DNAH8: variants seen among roughly 807,000 people sequenced by gnomAD.
The protein encoded by DNAH8 is axonemal beta dynein heavy chain 8.
A neutral mutation model predicts 562.1 loss-of-function variants in DNAH8; 382 were observed. That is an observed-to-expected ratio of 0.68 (90% CI 0.63 to 0.74). The LOEUF (loss-of-function observed/expected upper bound fraction) is 0.74. DNAH8 is among the 30% of genes least tolerant of loss of function. The probability of loss-of-function intolerance (pLI) is 0.00; values close to 1 mark genes in which losing one functional copy is unlikely to be tolerated. For synonymous variants in DNAH8, 1,881 were observed against 1,919.4 expected (o/e 0.98, Z 0.52); for missense variants, 5,203 against 5,620.4 (o/e 0.93, Z 2.37).
chr6:38,765,939 A>G (rs1766941954), intron 11 of DNAH8, among the ~76,000 whole-genome samples: 2 of 152,194 alleles, frequency 1.3e-5, no homozygotes, highest in African/African-American at 4.8e-5. Flanking sequence ...GAACTACCAT[A>G]TGATCCAGCA....
At chr6:38,722,724 G>T in intron 1 of DNAH8, 52 bp from the exon 2 acceptor site, 4 of 1,403,460 alleles carry the variant, frequency 2.9e-6, no homozygotes, top group Non-Finnish European at 3.8e-6. Context: ...TAATAAAAAC[G>T]TACAACACTC....
intron 33 of DNAH8, among the ~76,000 whole-genome samples, chr6:38,839,180 C>T (rs1236447511): frequency 1.3e-5 from 2 of 152,184 alleles, no homozygotes; most frequent in African/African-American, 4.8e-5. Context: ...ATTTTACACA[C>T]TCTCCAGGTG....
chr6:38,856,188 T>A (rs1280951243), intron 41 of DNAH8, among the ~76,000 whole-genome samples: 1 of 152,222 alleles, frequency 6.6e-6, no homozygotes, highest in Non-Finnish European at 1.5e-5. Context: ...TTAGTTTCCA[T>A]GTATGTGTGA....
At position 38,739,831 on chromosome 6, in the gene DNAH8, T is replaced by C. The variant is rs536525123; in HGVS notation, c.1116+1859T>C. On this transcript the variant is annotated intron_variant, in intron 7 of 92. Coordinates refer to ENST00000327475, the MANE Select transcript of DNAH8 (RefSeq NM_001206927.2). Reference sequence around the variant, plus strand: ...TGTCTCCTACATTTTCTTTTAGAAATGTTACCATTTTATTTTTAACATTTA... The same window carrying C: ...TGTCTCCTACATTTTCTTTTAGAAACGTTACCATTTTATTTTTAACATTTA... 1.2e-4 allele frequency among the ~76,000 whole-genome samples: 18 copies of C among 152,338 alleles called. No individual in the cohort carries two copies. The East Asian group carries it at 3.5e-3, about 29-fold the overall frequency.
At position 38,741,756 on chromosome 6, in the gene DNAH8, G is replaced by C. The variant is rs1389979247; in HGVS notation, c.1162G>C (p.Gly388Arg). The change falls in exon 8 of 93, where the codon GGT becomes CGT. Residue 388 changes from glycine (G) to arginine (R), a missense_variant. Gly to Arg is a moderately radical substitution (Grantham distance 125, BLOSUM62 -2). Coordinates refer to ENST00000327475, the MANE Select transcript of DNAH8 (RefSeq NM_001206927.2). ...GATGAGAAAAGAAGCTGGTGATTCA[G>C]GTCCACTCACTGAATTGGAACACTG... ...EQMRKEAGDS[G>R]PLTELEHWKR... The C allele has an allele frequency of 6.2e-7, 1 of 1,613,944 alleles. No homozygotes were observed. Among genetic ancestry groups the C allele is most frequent in the South Asian group, 1.1e-5 (1 of 91,048 alleles).
chr6:38,918,168 A>C (rs753741103), intron 70 of DNAH8, 28 bp downstream of exon 70: 2 of 1,499,580 alleles, frequency 1.3e-6, no homozygotes, highest in South Asian at 2.3e-5. Context: ...TCTCCCAGTA[A>C]ATCAATATTT....
At chr6:38,941,663 C>T (rs1295520785) in intron 79 of DNAH8, among the ~76,000 whole-genome samples, 1 of 152,078 alleles carries the variant, frequency 6.6e-6, no homozygotes, top group Admixed American at 6.5e-5. Flanking sequence ...AGTGAATTTA[C>T]CCAATCTGGA....
chr6:38,798,195 G>A (rs72849966), intron 21 of DNAH8, among the ~76,000 whole-genome samples: 2 of 152,302 alleles, frequency 1.3e-5, no homozygotes, highest in Non-Finnish European at 2.9e-5. Context: ...CTGAGGTGAT[G>A]AGAATATTAT....
chr6:38,974,330 T>C, intron 84 of DNAH8, 44 bp from the exon 85 acceptor site: 1 of 1,429,148 alleles, frequency 7.0e-7, no homozygotes, highest in Non-Finnish European at 9.6e-7. Context: ...TTATTCTTTA[T>C]AGTAATTTAT....
intron 79 of DNAH8, among the ~76,000 whole-genome samples, chr6:38,940,671 T>C (rs1460698756): frequency 6.6e-6 from 1 of 152,144 alleles, no homozygotes; most frequent in Non-Finnish European, 1.5e-5. Context: ...TACGCTCCTA[T>C]TTCCTTAGCC....
intron 79 of DNAH8, 32 bp downstream of exon 79, chr6:38,939,020 G>A: frequency 6.4e-7 from 1 of 1,560,952 alleles, no homozygotes; most frequent in Non-Finnish European, 8.7e-7. Context: ...TGTGGTGTGT[G>A]GAGGATGTTG....
intron 47 of DNAH8, among the ~76,000 whole-genome samples, chr6:38,867,681 A>G (rs1387840386): frequency 7.8e-6 from 1 of 128,868 alleles, no homozygotes; most frequent in Non-Finnish European, 1.6e-5. Context: ...TGAACCCGGG[A>G]GGTGGTGGTT....
At chr6:38,761,646 T>C in intron 10 of DNAH8, 56 bp from the exon 11 acceptor site, 1 of 1,040,610 alleles carries the variant, frequency 9.6e-7, no homozygotes, top group Non-Finnish European at 1.3e-6. Context: ...GAAATTTATA[T>C]ATAAATGTTA....
At position 38,775,862 on chromosome 6, in the gene DNAH8, A is replaced by G. The variant is rs142965642; in HGVS notation, c.1873A>G (p.Lys625Glu). 1 of 1,611,526 alleles carries G rather than the reference A, an allele frequency of 6.2e-7. No individual in the cohort carries two copies. Among genetic ancestry groups the G allele is most frequent in the Non-Finnish European group, 8.5e-7 (1 of 1,177,808 alleles). Reference protein sequence around the residue: ...IKFRNIYQGVKKKQYDILDPR... With the variant: ...IKFRNIYQGVEKKQYDILDPR... Reference sequence around the variant, plus strand: ...ATTCAGAAATATATACCAAGGGGTTAAGAAAAAGCAATATGACATTCTGGA... The same window carrying G: ...ATTCAGAAATATATACCAAGGGGTTGAGAAAAAGCAATATGACATTCTGGA... Residue 625 changes from lysine to glutamate, a missense_variant, in exon 13 of 93, where the codon AAG becomes GAG. Lys to Glu is a moderately conservative substitution (Grantham distance 56, BLOSUM62 1). This residue lies in a region of DNAH8 where 2,176 missense variants were observed against 2,365.1 expected (regional missense o/e 0.92). Coordinates refer to ENST00000327475, the MANE Select transcript of DNAH8 (RefSeq NM_001206927.2).
chr6:39,025,543 G>A (rs1767213739), intron 91 of DNAH8, among the ~76,000 whole-genome samples: 1 of 152,168 alleles, frequency 6.6e-6, no homozygotes, highest in Non-Finnish European at 1.5e-5. Flanking sequence ...AGCCAGGCTA[G>A]GACCTATTCT....
chr6:38,954,180 A>C (rs1762097154), intron 82 of DNAH8, among the ~76,000 whole-genome samples: 1 of 152,212 alleles, frequency 6.6e-6, no homozygotes, highest in Non-Finnish European at 1.5e-5. Flanking sequence ...GGCAAAGTGG[A>C]GAAAGCAGAT....
chr6:38,943,600 G>T (rs1451409187), intron 79 of DNAH8, among the ~76,000 whole-genome samples: 2 of 152,110 alleles, frequency 1.3e-5, no homozygotes, highest in African/African-American at 2.4e-5. Flanking sequence ...GATACCAGGC[G>T]CAATCCTGCA....
chr6:38,743,009 T>C (rs1479549689), intron 8 of DNAH8, among the ~76,000 whole-genome samples: 5 of 8,664 alleles, frequency 5.8e-4, no homozygotes, highest in Admixed American at 8.6e-4. Flanking sequence ...TTGTTGTGCT[T>C]TTTTTTTTTT....
At chr6:38,760,360 G>A (rs1331068827) in intron 10 of DNAH8, among the ~76,000 whole-genome samples, 1 of 152,076 alleles carries the variant, frequency 6.6e-6, no homozygotes, top group East Asian at 1.9e-4. Context: ...GAAGCTTGGT[G>A]CTAATATGAT....
Sources: gnomAD v4.1 joint callset for allele counts (sites outside exome capture counted in the v4.1 genomes callset) on GRCh38, gnomAD v4.1.1 for gene constraint, gnomAD v4.1.1 regional missense constraint, MANE v1.5 for transcripts, NCBI Gene and HGNC (gene_info 2026-07-23, HGNC 2026-07-21) for gene names.